Variants in DSE observed in about 807,000 individuals in gnomAD.
The protein encoded by DSE is dermatan-sulfate epimerase.
In DSE, 36 loss-of-function variants were observed where a neutral mutation model predicts 84.4. The observed-to-expected ratio is 0.43, with a 90% confidence interval of 0.33 to 0.56. DSE has a LOEUF of 0.56. Ranked by LOEUF, DSE falls within the 20% of genes least tolerant of loss-of-function variation. The probability of loss-of-function intolerance (pLI) is 0.06; values close to 1 mark genes in which losing one functional copy is unlikely to be tolerated. For synonymous variants in DSE, 410 were observed against 430.1 expected (o/e 0.95, Z 0.58); for missense variants, 862 against 1,169.6 (o/e 0.74, Z 3.84).
intron 2 of DSE, among the ~76,000 whole-genome samples, chr6:116,320,054 C>G (rs1374250426): frequency 6.6e-6 from 1 of 152,184 alleles, no homozygotes; most frequent in Non-Finnish European, 1.5e-5. Flanking sequence ...TCACCAACCA[C>G]AGCACAATAC....
chr6:116,271,707 A>G (rs1772884320), intron 2 of DSE, among the ~76,000 whole-genome samples: 1 of 152,362 alleles, frequency 6.6e-6, no homozygotes, highest in African/African-American at 2.4e-5. Context: ...GTAAGAACTC[A>G]CAAATAAGAT....
intron 2 of DSE, among the ~76,000 whole-genome samples, chr6:116,275,410 G>T (rs1274815645): frequency 6.6e-6 from 1 of 152,212 alleles, no homozygotes; most frequent in Non-Finnish European, 1.5e-5. Flanking sequence ...TTTCCCATTT[G>T]CTCATTAAAT....
chr6:116,256,724 T>C (rs1033205288), intron 1 of DSE: 1 of 152,204 alleles, frequency 6.6e-6, no homozygotes, highest in Non-Finnish European at 1.5e-5. Context: ...ATAAAAATTT[T>C]AAAAAATTTT....
intron 1 of DSE, among the ~76,000 whole-genome samples, chr6:116,372,304 T>G (rs956113664): frequency 2.6e-5 from 4 of 152,048 alleles, no homozygotes; most frequent in African/African-American, 9.7e-5. Flanking sequence ...CCGTCTCTAC[T>G]AAAAATACAA....
intron 2 of DSE, among the ~76,000 whole-genome samples, chr6:116,323,867 C>A (rs1386504326): frequency 6.6e-6 from 1 of 152,130 alleles, no homozygotes; most frequent in African/African-American, 2.4e-5. Flanking sequence ...TCTTCTCATT[C>A]CCTCTTCCAT....
At chr6:116,270,972 G>A (rs965666929) in intron 2 of DSE, among the ~76,000 whole-genome samples, 3 of 152,194 alleles carry the variant, frequency 2.0e-5, no homozygotes, top group Non-Finnish European at 4.4e-5. Context: ...ATATATGGAA[G>A]TTACTGATAT....
Position 116,429,283 on chromosome 6 carries a change from G to A in DSE, c.671-1671G>A, listed in dbSNP as rs73767767. ...ACAGCTGCATTGCCCCCATTAGTCA[G>A]GAGCCAAGTCTTAGCCTGGGACCTA... On this transcript the variant is annotated intron_variant, in intron 3 of 5. Coordinates refer to ENST00000644252, the MANE Select transcript of DSE (RefSeq NM_013352.4). Among the ~76,000 whole-genome samples the A allele has an allele frequency of 1.9e-3, 282 of 152,270 alleles. 2 individuals carry two copies. The highest frequency in any genetic ancestry group is 6.6e-3 in the African/African-American group (274 of 41,544).
rs1202079318 is a variant in DSE at position 116,259,133 on chromosome 6, A to G, written c.-54+166A>G. On this transcript the variant is annotated intron_variant, in intron 2 of 3. Coordinates refer to the DSE transcript ENST00000430252. ...TCAGTCATCGTGAGAACACAGCCTG[A>G]GTGTCTCTGTTGCTCGACGTAGACC... 3 of 1,264,404 alleles carry G rather than the reference A, an allele frequency of 2.4e-6. No homozygotes were observed. In the African/African-American group the frequency reaches 4.4e-5, roughly 19 times the overall value. 78.3% of individuals were successfully genotyped at this position (1,264,404 alleles called of 1,614,324 possible).
At chr6:116,265,370 T>A (rs1216111760) in intron 2 of DSE, among the ~76,000 whole-genome samples, 1 of 152,040 alleles carries the variant, frequency 6.6e-6, no homozygotes, top group Non-Finnish European at 1.5e-5. Context: ...TGGCAGGGAC[T>A]GGGCTGGCTG....
upstream of DSE, chr6:116,370,919 C>T: frequency 1.0e-6 from 1 of 985,502 alleles, no homozygotes; most frequent in Non-Finnish European, 1.2e-6. Flanking sequence ...TTCGCCCACA[C>T]CTACCCGCCC....
chr6:116,346,313 C>CA (rs1166532563), intron 2 of DSE, among the ~76,000 whole-genome samples: 1 of 151,888 alleles, frequency 6.6e-6, no homozygotes, highest in African/African-American at 2.4e-5. Context: ...AGAGGCCCAA[C>CA]AAAAAAAGAG....
Position 116,280,133 on chromosome 6 carries a change from C to T in DSE, c.-54+21166C>T, listed in dbSNP as rs1425064357. On this transcript the variant is annotated intron_variant, in intron 2 of 3. Coordinates refer to the DSE transcript ENST00000430252. ...GAGTCTGGAAGCGCGGACGACCCAC[C>T]TTGAGATGCATCTAGCGACTGCTCC... 1.7e-5 allele frequency: 8 copies of T among 464,398 alleles called. No homozygotes were observed. The Admixed American group carries it at 2.4e-4, about 14-fold the overall frequency. The allele number at this position is 464,398 out of a possible 1,614,324, so 28.8% of individuals were successfully genotyped here.
chr6:116,273,605 G>A (rs141439676), intron 2 of DSE, among the ~76,000 whole-genome samples: 54 of 152,226 alleles, frequency 3.5e-4, no homozygotes, highest in South Asian at 6.2e-4. Context: ...CAGCCAGGCT[G>A]GTCCTCTCTG....
chr6:116,303,511 T>A (rs1211265900), intron 2 of DSE, among the ~76,000 whole-genome samples: 1 of 152,098 alleles, frequency 6.6e-6, no homozygotes, highest in Non-Finnish European at 1.5e-5. Flanking sequence ...TTGTAGATGA[T>A]CGGTATATAT....
At chr6:116,347,683 T>C (rs1778070810) in intron 2 of DSE, among the ~76,000 whole-genome samples, 1 of 152,130 alleles carries the variant, frequency 6.6e-6, no homozygotes, top group Non-Finnish European at 1.5e-5. Flanking sequence ...CCTAAAACCA[T>C]AAAAACCCTA....
At chr6:116,410,633 C>G (rs1418075436) in intron 2 of DSE, among the ~76,000 whole-genome samples, 1 of 147,418 alleles carries the variant, frequency 6.8e-6, no homozygotes, top group Non-Finnish European at 1.5e-5. Context: ...ACTGGGGAGG[C>G]TGAGGCAGGA....
In DSE at chr6:116,418,248, A is replaced by T. The variant is rs986245459; in HGVS notation, c.417-8326A>T. Reference sequence around the variant, plus strand: ...CAACAGGGAGAGGGTCATCTCAGGGATATGACCTTGAGGTATTGGAAACTT... The same window carrying T: ...CAACAGGGAGAGGGTCATCTCAGGGTTATGACCTTGAGGTATTGGAAACTT... On this transcript the variant is annotated intron_variant, in intron 2 of 5. Coordinates refer to ENST00000644252, the MANE Select transcript of DSE (RefSeq NM_013352.4). 2.0e-5 allele frequency among the ~76,000 whole-genome samples: 3 copies of T among 152,182 alleles called. No individual in the cohort carries two copies. In the East Asian group the frequency reaches 5.8e-4, roughly 29 times the overall value.
intron 2 of DSE, among the ~76,000 whole-genome samples, chr6:116,329,295 T>C (rs1776806315): frequency 6.6e-6 from 1 of 152,238 alleles, no homozygotes; most frequent in Non-Finnish European, 1.5e-5. Flanking sequence ...TGTGTTTAAA[T>C]ACAGGCTTAC....
intron 2 of DSE, among the ~76,000 whole-genome samples, chr6:116,299,966 G>A (rs1299105079): frequency 6.6e-6 from 1 of 152,158 alleles, no homozygotes; most frequent in Non-Finnish European, 1.5e-5. Context: ...AAATATAGTT[G>A]TGGAATTTTA....
Sources: allele counts gnomAD v4.1 joint callset (sites outside exome capture counted in the v4.1 genomes callset), GRCh38; gene constraint gnomAD v4.1.1; transcripts MANE v1.5; gene names NCBI Gene and HGNC (gene_info 2026-07-23, HGNC 2026-07-21).